YEATS4: variants seen among roughly 807,000 people sequenced by gnomAD.
The protein encoded by YEATS4 is YEATS domain-containing protein 4.
YEATS4 carries 17 observed loss-of-function variants against 30.1 expected under a neutral mutation model. The observed-to-expected ratio is 0.56, with a 90% confidence interval of 0.39 to 0.85. The LOEUF (loss-of-function observed/expected upper bound fraction) is 0.85. YEATS4 is among the 40% of genes least tolerant of loss of function. YEATS4 has a pLI of 0.00. For synonymous variants in YEATS4, 85 were observed against 87.5 expected (o/e 0.97, Z 0.16); for missense variants, 142 against 268.3 (o/e 0.53, Z 3.29).
the YEATS4 span, among the ~76,000 whole-genome samples, chr12:69,420,319 G>A: frequency 2.0e-5 from 3 of 152,064 alleles, no homozygotes; most frequent in Non-Finnish European, 4.4e-5. Context: ...AAATGCTGTG[G>A]AGGTCAAAGG....
At chr12:69,413,437 A>G in the YEATS4 span, among the ~76,000 whole-genome samples, 14 of 152,014 alleles carry the variant, frequency 9.2e-5, no homozygotes, top group East Asian at 2.1e-3. Context: ...AAAACATATC[A>G]ATTGAAAGAG....
At position 69,380,633 on chromosome 12, in the gene YEATS4, A is replaced by T. The variant is rs1170836340; in HGVS notation, c.515-9514A>T. Among the ~76,000 whole-genome samples the T allele has an allele frequency of 2.0e-5, 3 of 152,114 alleles. No individual in the cohort carries two copies. In the East Asian group the frequency reaches 5.8e-4, roughly 29 times the overall value. ...GCCACCTATGTTTGTGTGAGGCCCT[A>T]AGGCTCTATAATCAGCAGGTGATGA... On this transcript the variant is annotated intron_variant, in intron 6 of 6. Coordinates refer to ENST00000247843, the MANE Select transcript of YEATS4 (RefSeq NM_006530.4).
At chr12:69,372,302 C>T (rs929734034) in intron 6 of YEATS4, among the ~76,000 whole-genome samples, 2 of 152,052 alleles carry the variant, frequency 1.3e-5, no homozygotes, top group Non-Finnish European at 2.9e-5. Flanking sequence ...AATGAGATAT[C>T]GATCACCTCA....
chr12:69,424,531 GCATCCCCACC>G, the YEATS4 span, among the ~76,000 whole-genome samples: 4 of 152,236 alleles, frequency 2.6e-5, no homozygotes, highest in South Asian at 2.1e-4. Flanking sequence ...GTTTGCCTTT[GCATCCCCACC>G]CAAATTCCAT....
At chr12:69,367,365 C>T (rs1477943566) in intron 4 of YEATS4, among the ~76,000 whole-genome samples, 1 of 134,542 alleles carries the variant, frequency 7.4e-6, no homozygotes, top group Admixed American at 7.8e-5. Context: ...TTTTGTTTGG[C>T]AATAATTTTT....
chr12:69,419,295 A>G, the YEATS4 span, among the ~76,000 whole-genome samples: 2 of 139,732 alleles, frequency 1.4e-5, no homozygotes, highest in East Asian at 4.1e-4. Context: ...ATCATGACCC[A>G]CTGCAGCCTC....
chr12:69,401,162 T>C, the YEATS4 span: 1 of 151,176 alleles, frequency 6.6e-6, no homozygotes, highest in Non-Finnish European at 1.5e-5. Flanking sequence ...GAATAGACAC[T>C]GCACTCCAGC....
intron 1 of YEATS4, among the ~76,000 whole-genome samples, chr12:69,361,876 C>G (rs1399341680): frequency 6.6e-6 from 1 of 152,178 alleles, no homozygotes; most frequent in East Asian, 1.9e-4. Flanking sequence ...CTTCAGTCAT[C>G]CAAGTGACTC....
chr12:69,362,640 T>C, intron 1 of YEATS4, 148 bp from the exon 2 acceptor site: 1 of 517,160 alleles, frequency 1.9e-6, no homozygotes, highest in South Asian at 4.2e-5. Flanking sequence ...AAAGGATGTG[T>C]CTGAAATTGA....
Position 69,359,996 on chromosome 12 carries a change from T to C in YEATS4, c.24T>C (p.Phe8=), listed in dbSNP as rs1422464617. 8.1e-6 allele frequency: 13 copies of C among 1,613,572 alleles called. No individual in the cohort carries two copies. Among genetic ancestry groups the C allele is most frequent in the Admixed American group, 1.7e-5 (1 of 59,956 alleles). Residue 8 remains phenylalanine, a synonymous_variant, in exon 1 of 7, where the codon TTT becomes TTC. Transcript: ENST00000247843. The stretch of plus-strand genomic sequence containing the variant: ...ATATGTTCAAGAGAATGGCCGAATT[T>C]GGGCCTGACTCCGGCGGGAGAGTAA... MFKRMAE[F]GPDSGGRVKG... is the part of the protein sequence containing the mutation.
intron 6 of YEATS4, among the ~76,000 whole-genome samples, chr12:69,389,320 T>G (rs1391480811): frequency 6.6e-6 from 1 of 151,380 alleles, no homozygotes; most frequent in African/African-American, 2.4e-5. Flanking sequence ...CATGGCAGCA[T>G]GCACCTGTAG....
At chr12:69,380,738 T>C (rs1290937935) in intron 6 of YEATS4, among the ~76,000 whole-genome samples, 1 of 152,182 alleles carries the variant, frequency 6.6e-6, no homozygotes, top group Admixed American at 6.5e-5. Context: ...TCTTTCCTAT[T>C]TTCCCTAAGT....
At chr12:69,375,866 G>A (rs1158619346) in intron 6 of YEATS4, among the ~76,000 whole-genome samples, 2 of 152,098 alleles carry the variant, frequency 1.3e-5, no homozygotes, top group African/African-American at 4.8e-5. Context: ...AGTCCAGCCT[G>A]GGCTCGGCAT....
At chr12:69,418,729 T>A in the YEATS4 span, among the ~76,000 whole-genome samples, 2 of 152,090 alleles carry the variant, frequency 1.3e-5, no homozygotes, top group African/African-American at 2.4e-5. Context: ...ATAATCTAAA[T>A]GCATTTGAGC....
chr12:69,375,773 G>A (rs182005188), intron 6 of YEATS4, among the ~76,000 whole-genome samples: 5 of 152,222 alleles, frequency 3.3e-5, no homozygotes, highest in Non-Finnish European at 5.9e-5. Flanking sequence ...GTGGTGGTGC[G>A]CGCCTGCAAT....
the YEATS4 span, among the ~76,000 whole-genome samples, chr12:69,419,456 A>C: frequency 6.6e-6 from 1 of 152,038 alleles, no homozygotes; most frequent in Non-Finnish European, 1.5e-5. Context: ...TCGTAGTCTC[A>C]AGTGATCTTC....
At chr12:69,401,034 TGTG>T in the YEATS4 span, 1 of 152,142 alleles carries the variant, frequency 6.6e-6, no homozygotes, top group Non-Finnish European at 1.5e-5. Flanking sequence ...TTGGCATTAA[TGTG>T]GTGACCTCCG....
the YEATS4 span, among the ~76,000 whole-genome samples, chr12:69,400,709 A>G: frequency 1.3e-5 from 2 of 152,042 alleles, no homozygotes; most frequent in African/African-American, 4.8e-5. Flanking sequence ...AAAAAAAAAA[A>G]AAGGATGTAT....
chr12:69,367,613 G>A (rs1336893569), intron 4 of YEATS4, among the ~76,000 whole-genome samples: 1 of 152,198 alleles, frequency 6.6e-6, no homozygotes, highest in Admixed American at 6.5e-5. Flanking sequence ...CATTCCTCTC[G>A]CCTTGCCCTC....
Sources: allele counts gnomAD v4.1 joint callset (sites outside exome capture counted in the v4.1 genomes callset), GRCh38; gene constraint gnomAD v4.1.1; transcripts MANE v1.5; gene names NCBI Gene and HGNC (gene_info 2026-07-23, HGNC 2026-07-21).